Variants in ZIM2 observed in about 807,000 individuals in gnomAD.
The protein encoded by ZIM2 is zinc finger imprinted 2, also known as zinc finger protein 656.
A neutral mutation model predicts 38.6 loss-of-function variants in ZIM2; 14 were observed. The observed-to-expected ratio is 0.36, with a 90% confidence interval of 0.24 to 0.57. The LOEUF is 0.57. Among genes scored for constraint, ZIM2 ranks in the 20% least tolerant of loss-of-function variants. The probability of loss-of-function intolerance (pLI) is 0.81; values close to 1 mark genes in which losing one functional copy is unlikely to be tolerated. For missense variants in ZIM2, 680 were observed against 695.1 expected (o/e 0.98, Z 0.24); for synonymous variants, 247 against 245.8 (o/e 1.00, Z -0.04).
chr19:56,815,439 G>C (rs1386599065), intron 9 of ZIM2: 27 of 1,614,010 alleles, frequency 1.7e-5, no homozygotes, highest in Non-Finnish European at 2.2e-5. Context: ...ACCATTCATA[G>C]TTTCTGCTTC....
At chr19:56,781,240 C>T (rs1178707012) in intron 11 of ZIM2, among the ~76,000 whole-genome samples, 2 of 152,140 alleles carry the variant, frequency 1.3e-5, no homozygotes, top group African/African-American at 2.4e-5. Context: ...GCCAGTGGAA[C>T]AGTGTTTGTT....
rs148880274 is a variant in ZIM2 at position 56,832,393 on chromosome 19, A to T, written c.-227+3625T>A. Among the ~76,000 whole-genome samples the T allele has an allele frequency of 6.3e-3, 955 of 152,098 alleles. 10 individuals carry two copies. The highest frequency in any genetic ancestry group is 0.022 in the African/African-American group (900 of 41,484). ...TGACTGTACCACAGAGGGGGCTAAC[A>T]CGCATCAAGCTCCACACCCAAATCC... On this transcript the variant is annotated intron_variant, in intron 2 of 12. Coordinates refer to ENST00000629319, the MANE Select transcript of ZIM2 (RefSeq NM_001387356.1).
intron 10 of ZIM2, among the ~76,000 whole-genome samples, chr19:56,783,611 G>A (rs2046439134): frequency 6.6e-6 from 1 of 152,186 alleles, no homozygotes; most frequent in Non-Finnish European, 1.5e-5. Context: ...CTTATTAGTG[G>A]GAGCTAAACA....
At chr19:56,824,484 C>T (rs140343570) in intron 3 of ZIM2, 57 bp from the exon 4 acceptor site, 3 of 1,613,992 alleles carry the variant, frequency 1.9e-6, no homozygotes, top group African/African-American at 1.3e-5. Flanking sequence ...CGAGGCCCAA[C>T]AAATTCCACA....
At chr19:56,789,321 C>T (rs528253500) in intron 10 of ZIM2, among the ~76,000 whole-genome samples, 8 of 152,120 alleles carry the variant, frequency 5.3e-5, no homozygotes, top group Non-Finnish European at 7.4e-5. Context: ...TCCGGCCAGC[C>T]GAAGTTGCAG....
chr19:56,815,397 A>C, intron 9 of ZIM2: 1 of 1,614,114 alleles, frequency 6.2e-7, no homozygotes, highest in African/African-American at 1.3e-5. Context: ...AACTTGTTTG[A>C]GGGTCAGTAG....
Position 56,818,655 on chromosome 19 carries a change from T to C in ZIM2, c.342A>G (p.Lys114=). 1.2e-6 allele frequency: 2 copies of C among 1,614,052 alleles called. No individual in the cohort carries two copies. Among genetic ancestry groups the C allele is most frequent in the Middle Eastern group, 1.7e-4 (1 of 6,054 alleles). Residue 114 remains lysine (K), a synonymous_variant, in exon 8 of 13, where the codon AAA becomes AAG. Transcript: ENST00000629319. ...QNVVDLAEDR[K]PHNTIQDNME... is the part of the protein sequence containing the mutation. ...TGTTGTCCTGGATTGTGTTGTGAGG[T>C]TTCCTGTCCTCAGCGAGGTCCACCA...
chr19:56,819,504 G>A (rs2060278626), intron 7 of ZIM2, among the ~76,000 whole-genome samples: 1 of 152,198 alleles, frequency 6.6e-6, no homozygotes, highest in Admixed American at 6.5e-5. Context: ...ATGGTCCCAG[G>A]AAGAATGGCA....
chr19:56,813,513 C>G lies in ZIM2; in HGVS notation c.490+4233G>C, dbSNP rs995547300. 3 of 1,431,924 alleles carry G rather than the reference C, an allele frequency of 2.1e-6. No individual in the cohort carries two copies. The African/African-American group carries it at 4.3e-5, about 21-fold the overall frequency. The allele number at this position is 1,431,924 out of a possible 1,614,324, so 88.7% of individuals were successfully genotyped here. On this transcript the variant is annotated intron_variant, in intron 9 of 12. Transcript: ENST00000629319. ...AAAGCTTAAGACTGTGGAATCTGCA[C>G]ATTCGGTCTCTTTTCAATCTGAGTT...
chr19:56,782,812 C>T (rs1327073860), intron 10 of ZIM2, among the ~76,000 whole-genome samples: 3 of 151,934 alleles, frequency 2.0e-5, no homozygotes, highest in South Asian at 4.2e-4. Flanking sequence ...ATAAGCACAT[C>T]GTGGGGAATG....
At chr19:56,817,179 C>T in intron 9 of ZIM2, 1 of 1,614,234 alleles carries the variant, frequency 6.2e-7, no homozygotes, top group Non-Finnish European at 8.5e-7. Flanking sequence ...CTTTTCTCAT[C>T]TCACTACCAC....
intron 9 of ZIM2, chr19:56,810,133 AC>A (rs1364499836): frequency 1.0e-6 from 1 of 967,898 alleles, no homozygotes; most frequent in African/African-American, 1.8e-5. Context: ...TAGAATGACC[AC>A]AACCATATTA....
At chr19:56,840,193 G>T (rs530751458) in intron 1 of ZIM2, among the ~76,000 whole-genome samples, 1 of 152,312 alleles carries the variant, frequency 6.6e-6, no homozygotes, top group South Asian at 2.1e-4. Flanking sequence ...GACCTTGCTG[G>T]ACTTGCCGTG....
Position 56,814,042 on chromosome 19 carries a change from T to G in ZIM2, c.490+3704A>C. ...TGGCTCTTCAGCTTTTCCCTCTGGC[T>G]CTTCAGCTCTTTCTTCTGGGTCTTC... On this transcript the variant is annotated intron_variant, in intron 9 of 12. Transcript: ENST00000629319. The surrounding 1 kb of genome is among the most constrained non-coding windows in gnomAD (Gnocchi z 5.8). The G allele has an allele frequency of 6.2e-7, 1 of 1,614,200 alleles. No homozygotes were observed. Among genetic ancestry groups the G allele is most frequent in the Non-Finnish European group, 8.5e-7 (1 of 1,180,030 alleles).
chr19:56,801,168 C>T (rs904536536), intron 9 of ZIM2, among the ~76,000 whole-genome samples: 6 of 152,010 alleles, frequency 3.9e-5, no homozygotes, highest in Non-Finnish European at 8.8e-5. Context: ...GAACTCCTGA[C>T]CTCGTGATCC....
chr19:56,822,620 T>TA, intron 6 of ZIM2, 133 bp downstream of exon 6: 1 of 1,289,258 alleles, frequency 7.8e-7, no homozygotes, highest in Non-Finnish European at 1.1e-6. Context: ...AGCCTTGGAC[T>TA]AAACTTTTGG....
intron 11 of ZIM2, 103 bp from the exon 12 acceptor site, chr19:56,779,575 A>C: frequency 3.7e-6 from 4 of 1,088,446 alleles, no homozygotes; most frequent in Non-Finnish European, 5.4e-6. Flanking sequence ...CGCAGGAGTA[A>C]AATGAAGCCT....
chr19:56,817,120 T>C, intron 9 of ZIM2: 1 of 1,614,112 alleles, frequency 6.2e-7, no homozygotes, highest in Non-Finnish European at 8.5e-7. Flanking sequence ...TGGCTGTGAC[T>C]CGGTAAAGGA....
Position 56,815,247 on chromosome 19 carries a change from G to A in ZIM2, c.490+2499C>T, listed in dbSNP as rs150653574. 6.1e-4 allele frequency: 980 copies of A among 1,614,126 alleles called. 6 individuals carry two copies. In the African/African-American group the frequency reaches 8.7e-3, roughly 14 times the overall value. ...GGGTCTCCTCCCCATCAGTATTCTC[G>A]CCTTGAGACTCCTCGCCATGAGACT... On this transcript the variant is annotated intron_variant, in intron 9 of 12. Coordinates refer to ENST00000629319, the MANE Select transcript of ZIM2 (RefSeq NM_001387356.1).
Sources: gnomAD v4.1 joint callset for allele counts (sites outside exome capture counted in the v4.1 genomes callset) on GRCh38, gnomAD v4.1.1 for gene constraint, Gnocchi (gnomAD v3.1) non-coding constraint, MANE v1.5 for transcripts, NCBI Gene and HGNC (gene_info 2026-07-23, HGNC 2026-07-21) for gene names.